CACNA1C: variants seen among roughly 807,000 people sequenced by gnomAD.
CACNA1C encodes voltage-dependent L-type calcium channel subunit alpha-1C.
In CACNA1C, 30 loss-of-function variants were observed where a neutral mutation model predicts 229.0. That is an observed-to-expected ratio of 0.13 (90% CI 0.10 to 0.18). The LOEUF is 0.18. CACNA1C is among the 10% of genes least tolerant of loss of function. The pLI, the probability that CACNA1C is intolerant of heterozygous loss-of-function variation, is 1.00. For synonymous variants in CACNA1C, 1,114 were observed against 1,132.5 expected, an observed-to-expected ratio of 0.98 and a Z score of 0.33; for missense variants, 1,658 against 2,845.0, an observed-to-expected ratio of 0.58 and a Z score of 9.49.
chr12:2,569,415 A>G (rs1301759347), intron 13 of CACNA1C, among the ~76,000 whole-genome samples: 1 of 152,158 alleles, frequency 6.6e-6, no homozygotes, highest in Non-Finnish European at 1.5e-5. Flanking sequence ...GTTGTAGAAC[A>G]TTTTCATCAC....
At chr12:2,132,773 T>A (rs1476110810) in intron 3 of CACNA1C, among the ~76,000 whole-genome samples, 2 of 59,754 alleles carry the variant, frequency 3.3e-5, no homozygotes, top group South Asian at 6.5e-4. Context: ...TCTCTTTTTT[T>A]GTTGTGTCTC....
intron 1 of CACNA1C, among the ~76,000 whole-genome samples, chr12:2,031,829 G>A (rs78904262): frequency 0.025 from 3,745 of 152,266 alleles, 67 homozygotes; most frequent in Middle Eastern, 0.051. Flanking sequence ...GAGATGCCCC[G>A]AGAATACTGG....
intron 3 of CACNA1C, among the ~76,000 whole-genome samples, chr12:2,138,430 C>T (rs1051793999): frequency 2.0e-5 from 3 of 150,862 alleles, no homozygotes; most frequent in Non-Finnish European, 3.0e-5. Flanking sequence ...GGGCTGTGTA[C>T]GCAGCTCACA....
intron 3 of CACNA1C, among the ~76,000 whole-genome samples, chr12:2,291,515 A>T (rs1223420722): frequency 6.6e-6 from 1 of 152,178 alleles, no homozygotes; most frequent in Non-Finnish European, 1.5e-5. Context: ...TCAAATTGAG[A>T]TGTTTGTAAA....
intron 3 of CACNA1C, among the ~76,000 whole-genome samples, chr12:2,139,694 G>A (rs1311038224): frequency 6.6e-6 from 1 of 151,168 alleles, no homozygotes; most frequent in African/African-American, 2.4e-5. Flanking sequence ...GAGATCTCTT[G>A]CGCCCCTGAG....
intron 3 of CACNA1C, among the ~76,000 whole-genome samples, chr12:2,122,569 G>A (rs1169391799): frequency 6.6e-6 from 1 of 152,186 alleles, no homozygotes; most frequent in Admixed American, 6.5e-5. Flanking sequence ...TCTTGAAGCT[G>A]CAGCATCTTT....
rs1455886424 is a variant in CACNA1C at position 2,067,511 on chromosome 12, C to G, written c.49+13900C>G. Among the ~76,000 whole-genome samples, 3 of 148,348 alleles carry G rather than the reference C, an allele frequency of 2.0e-5. No individual in the cohort carries two copies. Among genetic ancestry groups the G allele is most frequent in the African/African-American group, 7.4e-5 (3 of 40,338 alleles). On this transcript the variant is annotated intron_variant, in intron 1 of 46. Transcript: ENST00000399655. The surrounding 1 kb of genome is among the most constrained non-coding windows in gnomAD (Gnocchi z 5.3). ...GCGTGTGCGTGCCTGTATGTAAGGG[C>G]AGGCACATGAAGACAGACTTTATTG...
intron 3 of CACNA1C, among the ~76,000 whole-genome samples, chr12:2,283,613 G>T (rs907212816): frequency 6.6e-6 from 1 of 152,184 alleles, no homozygotes; most frequent in African/African-American, 2.4e-5. Flanking sequence ...TACCCAATAC[G>T]TGTCTATTAC....
At chr12:2,322,073 G>A (rs529083065) in intron 3 of CACNA1C, among the ~76,000 whole-genome samples, 1 of 152,202 alleles carries the variant, frequency 6.6e-6, no homozygotes. Flanking sequence ...GCATTATTAA[G>A]AAATCGATTT....
At chr12:2,600,100 C>G (rs1300158508) in intron 21 of CACNA1C, among the ~76,000 whole-genome samples, 1 of 152,220 alleles carries the variant, frequency 6.6e-6, no homozygotes, top group East Asian at 1.9e-4. Context: ...GACCCAGTGC[C>G]TTCCTAACAC....
intron 10 of CACNA1C, among the ~76,000 whole-genome samples, chr12:2,554,956 A>C (rs1454400502): frequency 2.6e-5 from 4 of 152,258 alleles, no homozygotes. Flanking sequence ...CATGAACCTA[A>C]AATTCTGCTC....
intron 1 of CACNA1C, among the ~76,000 whole-genome samples, chr12:2,001,158 T>G (rs923526388): frequency 6.6e-6 from 1 of 152,212 alleles, no homozygotes; most frequent in African/African-American, 2.4e-5. Context: ...TTCTGTTCTA[T>G]TACAGCTGCC....
chr12:2,545,878 C>A (rs1165020503), intron 9 of CACNA1C, among the ~76,000 whole-genome samples: 1 of 152,256 alleles, frequency 6.6e-6, no homozygotes, highest in Non-Finnish European at 1.5e-5. Flanking sequence ...GAACAGTTAG[C>A]TAAAGCACTT....
intron 9 of CACNA1C, among the ~76,000 whole-genome samples, chr12:2,524,830 A>T (rs1295892354): frequency 2.0e-5 from 3 of 152,164 alleles, no homozygotes; most frequent in Non-Finnish European, 4.4e-5. Flanking sequence ...CTTCCAGGGG[A>T]CTGGCGAAGA....
intron 3 of CACNA1C, among the ~76,000 whole-genome samples, chr12:2,175,136 T>C (rs1167497942): frequency 6.6e-6 from 1 of 152,216 alleles, no homozygotes; most frequent in Non-Finnish European, 1.5e-5. Flanking sequence ...AATGCCTCTA[T>C]CACTCCAGAC....
At chr12:2,202,851 C>T (rs1322167967) in intron 3 of CACNA1C, among the ~76,000 whole-genome samples, 1 of 152,198 alleles carries the variant, frequency 6.6e-6, no homozygotes, top group African/African-American at 2.4e-5. Context: ...GAGAATGCTT[C>T]AAGCCCCGGA....
chr12:1,979,442 G>T (rs1164415455), intron 1 of CACNA1C, among the ~76,000 whole-genome samples: 1 of 151,832 alleles, frequency 6.6e-6, no homozygotes, highest in African/African-American at 2.4e-5. Flanking sequence ...CTCCCCAGTA[G>T]CTGGGATCAC....
intron 3 of CACNA1C, among the ~76,000 whole-genome samples, chr12:2,169,979 GAC>G (rs1483171036): frequency 6.6e-6 from 1 of 152,196 alleles, no homozygotes; most frequent in African/African-American, 2.4e-5. Context: ...GAGGGAGAGT[GAC>G]ACAGAAGAGC....
intron 1 of CACNA1C, among the ~76,000 whole-genome samples, chr12:2,100,977 G>A (rs927897047): frequency 1.3e-5 from 2 of 149,774 alleles, no homozygotes; most frequent in Non-Finnish European, 3.0e-5. Context: ...AGTCTAGCCT[G>A]GGCGACAAGG....
Sources: allele counts gnomAD v4.1 joint callset (sites outside exome capture counted in the v4.1 genomes callset), GRCh38; gene constraint gnomAD v4.1.1; non-coding constraint Gnocchi (gnomAD v3.1); transcripts MANE v1.5; gene names NCBI Gene and HGNC (gene_info 2026-07-23, HGNC 2026-07-21).